SESTD1: variants seen among roughly 807,000 people sequenced by gnomAD.
SESTD1 encodes SEC14 and spectrin domain containing 1.
SESTD1 carries 43 observed loss-of-function variants against 101.7 expected under a neutral mutation model. That is an observed-to-expected ratio of 0.42 (90% CI 0.33 to 0.55). SESTD1 has a LOEUF of 0.55. Among genes scored for constraint, SESTD1 ranks in the 20% least tolerant of loss-of-function variants. The pLI, the probability that SESTD1 is intolerant of heterozygous loss-of-function variation, is 0.07. For synonymous variants in SESTD1, 283 were observed against 286.8 expected (o/e 0.99, Z 0.13); for missense variants, 647 against 815.1 (o/e 0.79, Z 2.51).
rs1462645345 is a variant in SESTD1, at chr2:179,216,865, AAAAACAAG to A, written c.-25-25007_-25-25000del. 3.6e-5 allele frequency among the ~76,000 whole-genome samples: 5 copies of A among 137,982 alleles called. 1 individual carries two copies. In the East Asian group the frequency reaches 7.9e-4, roughly 22 times the overall value. The allele number at this position is 137,982 out of a possible 152,430, so 90.5% of individuals were successfully genotyped here. The stretch of plus-strand genomic sequence containing the variant: ...CCATCTGATCTTTGACAAACCTGAC[AAAAACAAG>A]AAATGGGGAAAGGATTCCCTATTTA... On this transcript the variant is annotated intron_variant, in intron 1 of 17. Coordinates refer to ENST00000428443, the MANE Select transcript of SESTD1 (RefSeq NM_178123.5).
intron 1 of SESTD1, among the ~76,000 whole-genome samples, chr2:179,231,124 G>T (rs940502523): frequency 1.3e-5 from 2 of 152,028 alleles, no homozygotes; most frequent in African/African-American, 4.8e-5. Flanking sequence ...TAATATGCAG[G>T]AACTCAAGGA....
At position 179,106,407 on chromosome 2, in the gene SESTD1, T is replaced by C. The variant is rs547102662; in HGVS notation, c.*3492A>G. 2.6e-5 allele frequency: 4 copies of C among 152,278 alleles called. No homozygotes were observed. In the South Asian group the frequency reaches 6.2e-4, roughly 24 times the overall value. 9.4% of individuals were successfully genotyped at this position (152,278 alleles called of 1,614,324 possible). On this transcript the variant is annotated 3_prime_UTR_variant, in exon 18 of 18. Coordinates refer to ENST00000428443, the MANE Select transcript of SESTD1 (RefSeq NM_178123.5). ...ATCTCTATTAGCAAGTAACTTACAA[T>C]GTAGTAGAGAATTCTGAACTATTTC...
chr2:179,213,732 T>TA (rs1276024067), intron 1 of SESTD1, among the ~76,000 whole-genome samples: 1 of 135,180 alleles, frequency 7.4e-6, no homozygotes, highest in Non-Finnish European at 1.6e-5. Context: ...GAAAAAATGT[T>TA]AAAGACAACC....
rs1201740246 is a variant in SESTD1, at chr2:179,208,716, G to A, written c.-25-16850C>T. Among the ~76,000 whole-genome samples the A allele has an allele frequency of 1.5e-5, 2 of 134,924 alleles. 1 individual carries two copies. Among genetic ancestry groups the A allele is most frequent in the African/African-American group, 5.9e-5 (2 of 34,152 alleles). The allele number at this position is 134,924 out of a possible 152,430, so 88.5% of individuals were successfully genotyped here. On this transcript the variant is annotated intron_variant, in intron 1 of 17. Transcript: ENST00000428443. Reference sequence around the variant, plus strand: ...GCAAGCACTACAAGAACTGCTAAAAGGACCTCTAAATCTTGAAACAAATCC... The same window carrying A: ...GCAAGCACTACAAGAACTGCTAAAAAGACCTCTAAATCTTGAAACAAATCC...
intron 10 of SESTD1, among the ~76,000 whole-genome samples, chr2:179,131,393 C>A (rs1424625951): frequency 1.3e-5 from 2 of 152,102 alleles, no homozygotes; most frequent in Non-Finnish European, 2.9e-5. Flanking sequence ...CTAATACTAT[C>A]CAACATAATT....
At chr2:179,199,414 C>A (rs2046464750) in intron 1 of SESTD1, among the ~76,000 whole-genome samples, 1 of 152,092 alleles carries the variant, frequency 6.6e-6, no homozygotes, top group Non-Finnish European at 1.5e-5. Context: ...GAAACTATTC[C>A]AATCAATAGA....
intron 2 of SESTD1, among the ~76,000 whole-genome samples, chr2:179,190,423 A>C (rs1332210851): frequency 6.6e-6 from 1 of 152,212 alleles, no homozygotes; most frequent in Non-Finnish European, 1.5e-5. Flanking sequence ...CTAAGGCCTA[A>C]AACTATAAAA....
chr2:179,211,631 GCA>G (rs145783981), intron 1 of SESTD1, among the ~76,000 whole-genome samples: 4 of 130,772 alleles, frequency 3.1e-5, no homozygotes, highest in Admixed American at 7.4e-5. Context: ...ACACACACAT[GCA>G]CACACACACA....
At chr2:179,178,651 G>C (rs1028375741) in intron 3 of SESTD1, among the ~76,000 whole-genome samples, 1 of 152,176 alleles carries the variant, frequency 6.6e-6, no homozygotes, top group East Asian at 1.9e-4. Flanking sequence ...GCTGTTGAGC[G>C]GTCTGGAGTA....
chr2:179,183,617 G>T (rs2046156789), intron 2 of SESTD1, among the ~76,000 whole-genome samples: 1 of 151,942 alleles, frequency 6.6e-6, no homozygotes, highest in African/African-American at 2.4e-5. Context: ...TTATAAAAAG[G>T]GATTTAGAAA....
Position 179,124,524 on chromosome 2 carries a change from T to G in SESTD1, c.1007A>C (p.Gln336Pro). 1 of 1,614,066 alleles carries G rather than the reference T, an allele frequency of 6.2e-7. No individual in the cohort carries two copies. Among genetic ancestry groups the G allele is most frequent in the Non-Finnish European group, 8.5e-7 (1 of 1,179,984 alleles). ...GCCAGCATTCAAGAGTGCTGCAATT[T>G]GCTGATTAAGTTCCACATACACTGC... ...WFAVYVELNQ[Q>P]IAALLNAGDE... The change falls in exon 11 of 18, where the codon CAA becomes CCA. Residue 336 changes from glutamine to proline, a missense_variant. Coordinates refer to ENST00000428443, the MANE Select transcript of SESTD1 (RefSeq NM_178123.5).
chr2:179,220,420 A>C (rs1031780665), intron 1 of SESTD1, among the ~76,000 whole-genome samples: 2 of 152,210 alleles, frequency 1.3e-5, no homozygotes, highest in African/African-American at 4.8e-5. Context: ...CTAGAGGAGC[A>C]AATCACACTT....
intron 1 of SESTD1, among the ~76,000 whole-genome samples, chr2:179,229,816 C>CACAA (rs1553529899): frequency 2.3e-4 from 31 of 134,740 alleles, no homozygotes; most frequent in African/African-American, 8.5e-4. Context: ...CACACACACA[C>CACAA]AACCCTACTT....
intron 10 of SESTD1, among the ~76,000 whole-genome samples, chr2:179,126,746 C>T (rs937805678): frequency 8.5e-5 from 13 of 152,230 alleles, no homozygotes; most frequent in Non-Finnish European, 1.3e-4. Context: ...TGGATGACTA[C>T]TAGATATCTA....
chr2:179,224,376 G>A (rs1438639737), intron 1 of SESTD1, among the ~76,000 whole-genome samples: 1 of 152,200 alleles, frequency 6.6e-6, no homozygotes, highest in Non-Finnish European at 1.5e-5. Flanking sequence ...ACGTTATGCA[G>A]CAAAACTGGC....
chr2:179,228,744 G>C (rs1351944434), intron 1 of SESTD1, among the ~76,000 whole-genome samples: 4 of 152,086 alleles, frequency 2.6e-5, no homozygotes, highest in African/African-American at 7.2e-5. Flanking sequence ...CTAACAAGAA[G>C]AACAAATAAA....
At chr2:179,170,348 C>T (rs944096648) in intron 5 of SESTD1, among the ~76,000 whole-genome samples, 4 of 151,956 alleles carry the variant, frequency 2.6e-5, no homozygotes, top group African/African-American at 7.3e-5. Flanking sequence ...GACTTCTATA[C>T]AAAATACATA....
chr2:179,124,536 T>A lies in SESTD1; in HGVS notation c.995A>T (p.Glu332Val). 1.9e-6 allele frequency: 3 copies of A among 1,613,978 alleles called. No individual in the cohort carries two copies. The South Asian group carries it at 3.3e-5, about 18-fold the overall frequency. ...QHSEWFAVYV[E>V]LNQQIAALLN... ...GAGTGCTGCAATTTGCTGATTAAGT[T>A]CCACATACACTGCAAACCATTCCTG... is the stretch of plus-strand genomic sequence containing the variant. The change falls in exon 11 of 18, where the codon GAA becomes GTA. Residue 332 changes from glutamate to valine, a missense_variant. Glu to Val is a moderately radical substitution (Grantham distance 121). Around this residue, in one of 3 missense-constraint regions of SESTD1, gnomAD observed 476 missense variants for 562.6 expected, o/e 0.85. Transcript: ENST00000428443.
Position 179,190,908 on chromosome 2 carries a change from C to T in SESTD1, c.55+879G>A, listed in dbSNP as rs145431138. Among the ~76,000 whole-genome samples the T allele has an allele frequency of 3.9e-5, 6 of 152,216 alleles. No homozygotes were observed. In the East Asian group the frequency reaches 1.2e-3, roughly 29 times the overall value. On this transcript the variant is annotated intron_variant, in intron 2 of 17. Coordinates refer to ENST00000428443, the MANE Select transcript of SESTD1 (RefSeq NM_178123.5). ...GTGAAGCTGCAGAGAAAAGGAAATGCGTATACACTGTTGGTGGTCATGTAA... is the reference window on the plus strand; with the variant it reads ...GTGAAGCTGCAGAGAAAAGGAAATGTGTATACACTGTTGGTGGTCATGTAA...
Sources: allele counts gnomAD v4.1 joint callset (sites outside exome capture counted in the v4.1 genomes callset), GRCh38; gene constraint gnomAD v4.1.1; regional missense constraint gnomAD v4.1.1; transcripts MANE v1.5; gene names NCBI Gene and HGNC (gene_info 2026-07-23, HGNC 2026-07-21).